UBE2Q2: variants seen among roughly 807,000 people sequenced by gnomAD.
The protein encoded by UBE2Q2 is ubiquitin-conjugating enzyme E2 Q2.
In UBE2Q2, 54 loss-of-function variants were observed where a neutral mutation model predicts 59.9. The observed-to-expected ratio is 0.90, with a 90% CI of 0.72 to 1.13. UBE2Q2 has a LOEUF of 1.13. Among genes scored for constraint, UBE2Q2 ranks in the 50% most tolerant of loss-of-function variants. The probability of loss-of-function intolerance (pLI) is 0.00; values close to 1 mark genes in which losing one functional copy is unlikely to be tolerated. For synonymous variants in UBE2Q2, 165 were observed against 155.2 expected, an observed-to-expected ratio of 1.06 and a Z score of -0.47; for missense variants, 433 against 441.9, an observed-to-expected ratio of 0.98 and a Z score of 0.18.
At chr15:75,873,963 G>A (rs1309728492) in intron 5 of UBE2Q2, among the ~76,000 whole-genome samples, 2 of 152,092 alleles carry the variant, frequency 1.3e-5, no homozygotes, top group Non-Finnish European at 2.9e-5. Flanking sequence ...CGAAACTACT[G>A]GGATTACAGG....
At chr15:75,868,878 AC>A in intron 3 of UBE2Q2, 72 bp from the exon 4 acceptor site, 1 of 1,324,850 alleles carries the variant, frequency 7.5e-7, no homozygotes, top group Admixed American at 1.8e-5. Context: ...AGTTTGTGGC[AC>A]CAGTCTTCTA....
chr15:75,887,582 C>T (rs963249), intron 9 of UBE2Q2, among the ~76,000 whole-genome samples: 145,487 of 149,404 alleles, frequency 0.97, 70,845 homozygotes, highest in East Asian at 1. Flanking sequence ...TTTTTTTTTT[C>T]CCCCTCTGCT....
chr15:75,862,161 A>C (rs1897234869), intron 3 of UBE2Q2, among the ~76,000 whole-genome samples: 1 of 152,156 alleles, frequency 6.6e-6, no homozygotes, highest in Non-Finnish European at 1.5e-5. Flanking sequence ...AGTGAGTCTC[A>C]GGGCCAACCC....
intron 3 of UBE2Q2, among the ~76,000 whole-genome samples, chr15:75,861,137 G>A (rs989513580): frequency 6.6e-6 from 1 of 152,210 alleles, no homozygotes; most frequent in Non-Finnish European, 1.5e-5. Flanking sequence ...AGGATTAAAT[G>A]AGTTCGTACA....
intron 3 of UBE2Q2, 118 bp from the exon 4 acceptor site, chr15:75,868,833 G>C: frequency 1.3e-6 from 1 of 748,446 alleles, no homozygotes. Flanking sequence ...TTAATAAACT[G>C]TCTGGTAGTG....
chr15:75,863,704 G>A (rs1897309617), intron 3 of UBE2Q2, among the ~76,000 whole-genome samples: 1 of 151,356 alleles, frequency 6.6e-6, no homozygotes, highest in African/African-American at 2.4e-5. Context: ...GTGCAATGGT[G>A]CGATCTTGGC....
At chr15:75,893,524 A>G (rs2141673735) in intron 11 of UBE2Q2, among the ~76,000 whole-genome samples, 1 of 152,348 alleles carries the variant, frequency 6.6e-6, no homozygotes, top group Non-Finnish European at 1.5e-5. Context: ...CCTGTGTACT[A>G]CTAGTAAGAT....
chr15:75,876,298 T>C (rs1406792458), intron 6 of UBE2Q2, 27 bp downstream of exon 6: 1 of 1,565,138 alleles, frequency 6.4e-7, no homozygotes, highest in Non-Finnish European at 8.8e-7. Context: ...CCCTGCTCTC[T>C]TTATGATTCT....
At chr15:75,878,570 C>T (rs1898211820) in intron 7 of UBE2Q2, among the ~76,000 whole-genome samples, 4 of 136,258 alleles carry the variant, frequency 2.9e-5, no homozygotes, top group Admixed American at 8.1e-5. Flanking sequence ...ATATTCCAGC[C>T]TGGGCAACAG....
rs1256142539 is a variant in UBE2Q2 at position 75,856,269 on chromosome 15, G to GTGTGTGTGTATATA, written c.282+1783_282+1784insGTGTGTGTATATAT. Among the ~76,000 whole-genome samples, 116 of 139,278 alleles carry GTGTGTGTGTATATA rather than the reference G, an allele frequency of 8.3e-4. 1 individual carries two copies. The highest frequency in any genetic ancestry group is 3.0e-3 in the African/African-American group (111 of 36,464). 91.4% of individuals were successfully genotyped at this position (139,278 alleles called of 152,430 possible). The stretch of plus-strand genomic sequence containing the variant: ...TACGTGTGTGTGTGTGTGTGTGTGT[G>GTGTGTGTGTATATA]TATATATATATATATATATATATAA... On this transcript the variant is annotated intron_variant, in intron 2 of 12. Coordinates refer to ENST00000267938, the MANE Select transcript of UBE2Q2 (RefSeq NM_173469.4).
intron 7 of UBE2Q2, chr15:75,878,275 TAAAAAC>T (rs1333995403): frequency 2.2e-6 from 1 of 447,638 alleles, no homozygotes; most frequent in African/African-American, 2.0e-5. Flanking sequence ...CAGGGGAACT[TAAAAAC>T]AAAAGTGTAT....
chr15:75,879,659 T>G (rs1469875092), intron 8 of UBE2Q2, among the ~76,000 whole-genome samples: 2 of 152,196 alleles, frequency 1.3e-5, no homozygotes, highest in East Asian at 3.8e-4. Context: ...CAATCTTAGC[T>G]ATTAAAATGG....
chr15:75,874,456 G>T (rs1203452097), intron 5 of UBE2Q2, among the ~76,000 whole-genome samples: 5 of 151,818 alleles, frequency 3.3e-5, no homozygotes, highest in Admixed American at 2.0e-4. Flanking sequence ...GCTAATTTTT[G>T]TATTTTTAGT....
At chr15:75,870,036 TAG>T (rs1393511828) in intron 4 of UBE2Q2, among the ~76,000 whole-genome samples, 1 of 152,192 alleles carries the variant, frequency 6.6e-6, no homozygotes, top group Non-Finnish European at 1.5e-5. Flanking sequence ...AATGTGCTTT[TAG>T]AATGCTTCAG....
intron 3 of UBE2Q2, 52 bp downstream of exon 3, chr15:75,860,034 A>G: frequency 1.6e-6 from 2 of 1,272,198 alleles, no homozygotes; most frequent in East Asian, 2.4e-5. Context: ...GTCTCAAGCA[A>G]AAGTCAAACT....
chr15:75,878,237 C>T (rs1281293307), intron 7 of UBE2Q2: 6 of 505,076 alleles, frequency 1.2e-5, no homozygotes, highest in East Asian at 3.2e-5. Flanking sequence ...GGACCAGCTG[C>T]GGGATAAAGT....
intron 8 of UBE2Q2, 118 bp downstream of exon 8, chr15:75,879,306 T>C (rs527413030): frequency 2.0e-5 from 11 of 557,704 alleles, no homozygotes; most frequent in African/African-American, 1.2e-4. Flanking sequence ...TTCAGGAATC[T>C]CGTAGACATA....
At chr15:75,855,926 G>C (rs568071946) in intron 2 of UBE2Q2, among the ~76,000 whole-genome samples, 1 of 152,228 alleles carries the variant, frequency 6.6e-6, no homozygotes, top group South Asian at 2.1e-4. Flanking sequence ...AGTGGCTCAT[G>C]CCTGTAATTC....
At chr15:75,898,275 A>G (rs1899544765) in intron 12 of UBE2Q2, among the ~76,000 whole-genome samples, 1 of 152,144 alleles carries the variant, frequency 6.6e-6, no homozygotes, top group African/African-American at 2.4e-5. Context: ...GCTGTATTTG[A>G]GAGTGTGTGG....
Sources: gnomAD v4.1 joint callset for allele counts (sites outside exome capture counted in the v4.1 genomes callset) on GRCh38, gnomAD v4.1.1 for gene constraint, MANE v1.5 for transcripts, NCBI Gene and HGNC (gene_info 2026-07-23, HGNC 2026-07-21) for gene names.